Variants in ERN1 observed in about 807,000 individuals in gnomAD.
ERN1 encodes the protein serine/threonine-protein kinase/endoribonuclease IRE1.
A neutral mutation model predicts 113.1 loss-of-function variants in ERN1; 39 were observed. The ratio of observed to expected loss-of-function variants is 0.34; its 90% confidence interval spans 0.27 to 0.45. The LOEUF (loss-of-function observed/expected upper bound fraction) is 0.45, where lower values mean the gene tolerates loss of function less well. Ranked by LOEUF, ERN1 falls within the 20% of genes least tolerant of loss-of-function variation. The pLI is 1.00. For missense variants in ERN1, 976 were observed against 1,274.8 expected (o/e 0.77, Z 3.57); for synonymous variants, 507 against 515.9 (o/e 0.98, Z 0.23).
At chr17:64,079,948 G>A (rs899498057) in intron 3 of ERN1, among the ~76,000 whole-genome samples, 1 of 152,158 alleles carries the variant, frequency 6.6e-6, no homozygotes, top group East Asian at 1.9e-4. Context: ...CACTATCCTT[G>A]AGTGGAGAAA....
chr17:64,113,720 G>T (rs995010170), intron 1 of ERN1, among the ~76,000 whole-genome samples: 1 of 152,048 alleles, frequency 6.6e-6, no homozygotes, highest in African/African-American at 2.4e-5. Context: ...GTCTCACTCT[G>T]TCGCCCAGGC....
Position 64,054,152 on chromosome 17 carries a change from C to A in ERN1, c.1953+98G>T. 1.8e-6 allele frequency: 2 copies of A among 1,098,852 alleles called. No individual in the cohort carries two copies. The highest frequency in any genetic ancestry group is 2.6e-6 in the Non-Finnish European group (2 of 775,486). The allele number at this position is 1,098,852 out of a possible 1,614,324, so 68.1% of individuals were successfully genotyped here. On this transcript the variant is annotated intron_variant, in intron 15 of 21. Transcript: ENST00000433197. This position sits in a 1 kb window ranked among gnomAD's most constrained non-coding sequence, Gnocchi z 4.9. ...ATGGGGTTTCACCATGTTGTCCAGG[C>A]TGGTCTCAAACTCCTGAGCTCACGT...
intron 17 of ERN1, among the ~76,000 whole-genome samples, chr17:64,052,097 G>A (rs1912701450): frequency 6.6e-6 from 1 of 152,182 alleles, no homozygotes; most frequent in African/African-American, 2.4e-5. Flanking sequence ...CAGATGCTGT[G>A]GCTCATGTCT....
chr17:64,121,350 A>G (rs1038691644), intron 1 of ERN1, among the ~76,000 whole-genome samples: 8 of 152,224 alleles, frequency 5.3e-5, no homozygotes, highest in African/African-American at 1.9e-4. Flanking sequence ...CTTGGGTTAA[A>G]GGCCTCTAAG....
chr17:64,047,150 G>A lies in ERN1; in HGVS notation c.2529+708C>T, dbSNP rs529373016. 1.7e-3 allele frequency among the ~76,000 whole-genome samples: 253 copies of A among 152,262 alleles called. 1 individual carries two copies. Among genetic ancestry groups the A allele is most frequent in the African/African-American group, 5.9e-3 (244 of 41,550 alleles). ...GAGGCGGGCAGATCACCTGAGGTCC[G>A]GAGTTCAAGACCAGCCTGGCCAACA... On this transcript the variant is annotated intron_variant, in intron 19 of 21. Coordinates refer to ENST00000433197, the MANE Select transcript of ERN1 (RefSeq NM_001433.5).
intron 1 of ERN1, chr17:64,103,057 C>T (rs545608186): frequency 8.2e-6 from 5 of 613,104 alleles, no homozygotes; most frequent in African/African-American, 8.0e-5. Context: ...ACATCAGACT[C>T]TGTCCAGCAT....
chr17:64,066,277 C>T (rs1421673730), intron 8 of ERN1, among the ~76,000 whole-genome samples: 1 of 152,122 alleles, frequency 6.6e-6, no homozygotes, highest in Admixed American at 6.5e-5. Flanking sequence ...ACTATACTTA[C>T]ACTGGCAGTC....
At chr17:64,061,604 C>T (rs1913056211) in intron 10 of ERN1, among the ~76,000 whole-genome samples, 1 of 152,184 alleles carries the variant, frequency 6.6e-6, no homozygotes, top group East Asian at 1.9e-4. Flanking sequence ...TTAAGGGAAA[C>T]CTACTTTTGT....
chr17:64,100,805 A>T (rs1914364788), intron 1 of ERN1, among the ~76,000 whole-genome samples: 1 of 152,144 alleles, frequency 6.6e-6, no homozygotes, highest in South Asian at 2.1e-4. Context: ...ATAAATAAAT[A>T]AAATGGAAAT....
intron 1 of ERN1, among the ~76,000 whole-genome samples, chr17:64,106,468 G>C (rs1399617674): frequency 1.3e-5 from 2 of 152,250 alleles, no homozygotes; most frequent in East Asian, 3.9e-4. Context: ...AGGGGAATGT[G>C]CCTATGCCAA....
intron 11 of ERN1, among the ~76,000 whole-genome samples, chr17:64,058,580 G>A (rs1054322801): frequency 6.6e-6 from 1 of 152,080 alleles, no homozygotes; most frequent in Non-Finnish European, 1.5e-5. Flanking sequence ...AAATTTAGAA[G>A]CCCAAAATTA....
intron 7 of ERN1, 132 bp from the exon 8 acceptor site, chr17:64,067,064 G>T: frequency 1.1e-6 from 1 of 951,998 alleles, no homozygotes; most frequent in Non-Finnish European, 1.6e-6. Context: ...GATCTCCTCT[G>T]AGCAATTTCA....
intron 19 of ERN1, 113 bp from the exon 20 acceptor site, chr17:64,045,595 G>T: frequency 1.5e-6 from 2 of 1,376,686 alleles, no homozygotes; most frequent in Non-Finnish European, 1.0e-6. Context: ...CCCAGAGCTG[G>T]GCAGCAGGCA....
chr17:64,086,707 C>T (rs550028059), intron 2 of ERN1, among the ~76,000 whole-genome samples: 4 of 115,478 alleles, frequency 3.5e-5, no homozygotes, highest in East Asian at 3.1e-4. Flanking sequence ...AGTGCAGTGG[C>T]ACAATCTCAG....
rs373935856 is a variant in ERN1 at position 64,096,619 on chromosome 17, T to C, written c.175+1502A>G. On this transcript the variant is annotated intron_variant, in intron 2 of 21. Coordinates refer to ENST00000433197, the MANE Select transcript of ERN1 (RefSeq NM_001433.5). ...AAACTGGTCCCTGATGCAAAAAAGG[T>C]TGGGCACTGCTGCTATACAGTATCT... Among the ~76,000 whole-genome samples, 7 of 152,264 alleles carry C rather than the reference T, an allele frequency of 4.6e-5. No homozygotes were observed. The East Asian group carries it at 1.2e-3, about 25-fold the overall frequency.
intron 1 of ERN1, among the ~76,000 whole-genome samples, chr17:64,113,610 A>C (rs1914728453): frequency 1.3e-5 from 2 of 151,746 alleles, no homozygotes; most frequent in African/African-American, 2.4e-5. Context: ...CCCAGGTTCC[A>C]GCAATTTTCC....
intron 2 of ERN1, among the ~76,000 whole-genome samples, chr17:64,093,518 G>A (rs752463322): frequency 6.6e-6 from 1 of 152,144 alleles, no homozygotes; most frequent in Non-Finnish European, 1.5e-5. Context: ...ATTTCTTATG[G>A]TTCTGGAAGC....
At chr17:64,068,570 G>A (rs1040295940) in intron 6 of ERN1, among the ~76,000 whole-genome samples, 3 of 152,170 alleles carry the variant, frequency 2.0e-5, no homozygotes, top group Admixed American at 2.0e-4. Flanking sequence ...GTTGTTGTTA[G>A]CCATTAAGCT....
At chr17:64,052,505 A>G (rs995207113) in intron 17 of ERN1, among the ~76,000 whole-genome samples, 6 of 132,968 alleles carry the variant, frequency 4.5e-5, no homozygotes, top group Non-Finnish European at 9.6e-5. Context: ...TCTGTCACAC[A>G]AAAAAAACAA....
Sources: gnomAD v4.1 joint callset for allele counts (sites outside exome capture counted in the v4.1 genomes callset) on GRCh38, gnomAD v4.1.1 for gene constraint, Gnocchi (gnomAD v3.1) non-coding constraint, MANE v1.5 for transcripts, NCBI Gene and HGNC (gene_info 2026-07-23, HGNC 2026-07-21) for gene names.